Variants in ABCB11 observed in about 807,000 individuals in gnomAD.
ABCB11 encodes the protein ATP binding cassette subfamily B member 11, also known as bile salt export pump.
A neutral mutation model predicts 148.0 loss-of-function variants in ABCB11; 95 were observed. The observed-to-expected ratio is 0.64, with a 90% CI of 0.54 to 0.76. ABCB11 has a LOEUF of 0.76. ABCB11 is among the 30% of genes least tolerant of loss of function. ABCB11 has a pLI of 0.00. For missense variants in ABCB11, 1,523 were observed against 1,617.8 expected (o/e 0.94, Z 1.01); for synonymous variants, 591 against 555.4 (o/e 1.06, Z -0.90).
chr2:168,935,826 T>A (rs1175379934), intron 22 of ABCB11, among the ~76,000 whole-genome samples: 1 of 152,202 alleles, frequency 6.6e-6, no homozygotes. Flanking sequence ...AGCAAAGGCA[T>A]GTGCCATTAA....
chr2:168,995,545 T>C (rs1445924282), intron 6 of ABCB11, 63 bp from the exon 7 acceptor site: 10 of 1,542,184 alleles, frequency 6.5e-6, no homozygotes, highest in East Asian at 2.3e-5. Flanking sequence ...ATTTCTTTTT[T>C]CAGAAGAAAG....
chr2:168,980,425 C>A (rs895926615), intron 10 of ABCB11, among the ~76,000 whole-genome samples: 2 of 152,140 alleles, frequency 1.3e-5, no homozygotes, highest in African/African-American at 2.4e-5. Flanking sequence ...CAAAACCAAC[C>A]TGCTACTGTT....
Position 168,982,552 on chromosome 2 carries a change from A to AT in ABCB11, c.1084-2574dup, listed in dbSNP as rs1182187639. ...CTTTCCCTACCAGACCACAGAGTGCATTTTTTCTCTGTGCACAAGTGATAC... is the reference window on the plus strand; with the variant it reads ...CTTTCCCTACCAGACCACAGAGTGCATTTTTTTCTCTGTGCACAAGTGATAC... On this transcript the variant is annotated intron_variant, in intron 10 of 27. Transcript: ENST00000650372. Among the ~76,000 whole-genome samples the AT allele has an allele frequency of 4.6e-5, 7 of 152,070 alleles. No individual in the cohort carries two copies. The East Asian group carries it at 7.7e-4, about 17-fold the overall frequency.
Position 168,971,767 on chromosome 2 carries a change from G to A in ABCB11, c.1638+80C>T, listed in dbSNP as rs2241341. On this transcript the variant is annotated intron_variant, in intron 14 of 27. Transcript: ENST00000650372. ...ATTTAATGACTTGGGAATCATACGAGAAGAAATGTGTATAATTGTGCAACT... is the reference window on the plus strand; with the variant it reads ...ATTTAATGACTTGGGAATCATACGAAAAGAAATGTGTATAATTGTGCAACT... 778,987 of 1,317,982 alleles carry A rather than the reference G, an allele frequency of 0.59. 232,148 individuals are homozygous for A. Among genetic ancestry groups the A allele is most frequent in the East Asian group, 0.75 (32,103 of 42,746 alleles). The allele number at this position is 1,317,982 out of a possible 1,614,324, so 81.6% of individuals were successfully genotyped here.
intron 9 of ABCB11, among the ~76,000 whole-genome samples, chr2:168,988,971 T>A (rs981099277): frequency 1.3e-5 from 2 of 152,186 alleles, no homozygotes; most frequent in Admixed American, 6.6e-5. Context: ...GACCACTTTT[T>A]AATCAGGTTG....
intron 3 of ABCB11, among the ~76,000 whole-genome samples, chr2:169,015,250 C>T (rs906403197): frequency 5.9e-5 from 9 of 152,160 alleles, no homozygotes; most frequent in Non-Finnish European, 1.2e-4. Flanking sequence ...ATCCATCCAG[C>T]TGTTTGCCCT....
chr2:168,915,442 G>A (rs1690923322), downstream of ABCB11, among the ~76,000 whole-genome samples: 1 of 151,688 alleles, frequency 6.6e-6, no homozygotes, highest in Non-Finnish European at 1.5e-5. Context: ...GATCTATTGA[G>A]TAAGATTGTA....
intron 19 of ABCB11, among the ~76,000 whole-genome samples, chr2:168,953,965 T>C (rs1692677354): frequency 6.6e-6 from 1 of 151,686 alleles, no homozygotes; most frequent in African/African-American, 2.4e-5. Flanking sequence ...CATATGTTGA[T>C]TGATGTCTCG....
At chr2:168,929,131 T>A (rs149854463) in intron 25 of ABCB11, among the ~76,000 whole-genome samples, 1 of 152,164 alleles carries the variant, frequency 6.6e-6, no homozygotes, top group Admixed American at 6.5e-5. Flanking sequence ...TAATCAAGTA[T>A]GAAGCAAAAC....
At chr2:168,965,425 T>C (rs1054055626) in intron 17 of ABCB11, among the ~76,000 whole-genome samples, 9 of 151,410 alleles carry the variant, frequency 5.9e-5, no homozygotes, top group Non-Finnish European at 1.3e-4. Flanking sequence ...TTCTGAAAAA[T>C]GAAGCCAACA....
chr2:168,978,132 C>CTTTTTTTTTT (rs35964117), intron 11 of ABCB11, among the ~76,000 whole-genome samples: 1 of 53,114 alleles, frequency 1.9e-5, no homozygotes, highest in Non-Finnish European at 3.5e-5. Context: ...AATAAATTGA[C>CTTTTTTTTTT]TTTTTTTTTT....
intron 23 of ABCB11, among the ~76,000 whole-genome samples, chr2:168,934,425 G>A (rs555975): frequency 0.47 from 71,895 of 151,950 alleles, 18,435 homozygotes; most frequent in South Asian, 0.65. Flanking sequence ...TGTGTACCTC[G>A]TTCCCCAGTA....
At chr2:168,939,321 T>C (rs1691964657) in intron 21 of ABCB11, among the ~76,000 whole-genome samples, 1 of 152,076 alleles carries the variant, frequency 6.6e-6, no homozygotes, top group African/African-American at 2.4e-5. Context: ...GATATCATTA[T>C]TTACTATTAC....
chr2:168,945,633 GGA>G (rs1315276554), intron 19 of ABCB11, among the ~76,000 whole-genome samples: 3 of 150,654 alleles, frequency 2.0e-5, no homozygotes, highest in African/African-American at 7.3e-5. Flanking sequence ...AGGGAGGGAA[GGA>G]GAGAGGGAGT....
intron 5 of ABCB11, among the ~76,000 whole-genome samples, chr2:169,011,730 C>T (rs545617846): frequency 3.3e-5 from 5 of 152,124 alleles, no homozygotes; most frequent in Non-Finnish European, 5.9e-5. Flanking sequence ...CATGTAATCA[C>T]AGCCAACTGC....
At chr2:168,980,995 T>C (rs925976307) in intron 10 of ABCB11, among the ~76,000 whole-genome samples, 4 of 152,208 alleles carry the variant, frequency 2.6e-5, no homozygotes, top group African/African-American at 7.2e-5. Flanking sequence ...GGATGTTTCA[T>C]TGGCCACAGT....
chr2:169,016,299 T>A (rs574964591), intron 3 of ABCB11, among the ~76,000 whole-genome samples: 2 of 152,336 alleles, frequency 1.3e-5, no homozygotes, highest in Admixed American at 6.5e-5. Context: ...GGAACTTACC[T>A]GATGCCTCAC....
intron 21 of ABCB11, among the ~76,000 whole-genome samples, chr2:168,938,630 A>G (rs1208926557): frequency 6.6e-6 from 1 of 152,164 alleles, no homozygotes; most frequent in Non-Finnish European, 1.5e-5. Context: ...ATGTAAATGT[A>G]CTTAATGCCA....
At chr2:169,009,331 A>T in intron 5 of ABCB11, among the ~76,000 whole-genome samples, 1 of 152,110 alleles carries the variant, frequency 6.6e-6, no homozygotes, top group Non-Finnish European at 1.5e-5. Flanking sequence ...ACCAACCCAA[A>T]TGTCCAACAG....
Sources: allele counts gnomAD v4.1 joint callset (sites outside exome capture counted in the v4.1 genomes callset), GRCh38; gene constraint gnomAD v4.1.1; transcripts MANE v1.5; gene names NCBI Gene and HGNC (gene_info 2026-07-23, HGNC 2026-07-21).